Variants in SMPDL3A observed in about 807,000 individuals in gnomAD.
The protein encoded by SMPDL3A is cyclic GMP-AMP phosphodiesterase SMPDL3A.
In SMPDL3A, 39 loss-of-function variants were observed where a neutral mutation model predicts 38.5. That is an observed-to-expected ratio of 1.01 (90% CI 0.78 to 1.32). SMPDL3A has a LOEUF of 1.32. Ranked by LOEUF, SMPDL3A falls within the 40% of genes most tolerant of loss-of-function variation. The pLI is 0.00. For missense variants in SMPDL3A, 502 were observed against 536.2 expected, an observed-to-expected ratio of 0.94 and a Z score of 0.63; for synonymous variants, 180 against 194.3, an observed-to-expected ratio of 0.93 and a Z score of 0.61.
chr6:122,789,541 G>A (rs955552150), intron 1 of SMPDL3A, 83 bp downstream of exon 1: 11 of 1,218,402 alleles, frequency 9.0e-6, no homozygotes, highest in Non-Finnish European at 1.3e-5. Flanking sequence ...GAAAGTGCGT[G>A]GGGGCAGCTG....
chr6:122,809,486 G>T lies in SMPDL3A; in HGVS notation c.*78G>T. The T allele has an allele frequency of 9.2e-7, 1 of 1,086,218 alleles. No homozygotes were observed. The highest frequency in any genetic ancestry group is 1.3e-6 in the Non-Finnish European group (1 of 754,642). 67.3% of individuals were successfully genotyped at this position (1,086,218 alleles called of 1,614,324 possible). The stretch of plus-strand genomic sequence containing the variant: ...TTGTGGGAATTTTACATAAATCTTT[G>T]TTAATTACTGAGTGGGCAAGTAGAC... On this transcript the variant is annotated 3_prime_UTR_variant, in exon 8 of 8. Transcript: ENST00000368440.
chr6:122,791,405 G>C (rs978877758), intron 1 of SMPDL3A, among the ~76,000 whole-genome samples: 1 of 152,136 alleles, frequency 6.6e-6, no homozygotes, highest in Non-Finnish European at 1.5e-5. Flanking sequence ...TTAATAGTCA[G>C]ATGAGACTGA....
intron 3 of SMPDL3A, among the ~76,000 whole-genome samples, chr6:122,800,863 G>A (rs1233766386): frequency 6.6e-6 from 1 of 152,076 alleles, no homozygotes; most frequent in Admixed American, 6.5e-5. Flanking sequence ...TGATTTTCCT[G>A]CCTCAGCCTC....
rs974350819 is a variant in SMPDL3A, at chr6:122,803,574, G to T, written c.569-90G>T. Reference sequence around the variant, plus strand: ...AATGAGAAATAAGCACCAACCTCCTGACTGGATTGTAAACCTCAGGAATTT... The same window carrying T: ...AATGAGAAATAAGCACCAACCTCCTTACTGGATTGTAAACCTCAGGAATTT... On this transcript the variant is annotated intron_variant, in intron 4 of 7. Transcript: ENST00000368440. 3.3e-6 allele frequency: 3 copies of T among 913,584 alleles called. No homozygotes were observed. In the East Asian group the frequency reaches 7.5e-5, roughly 23 times the overall value. The allele number at this position is 913,584 out of a possible 1,614,324, so 56.6% of individuals were successfully genotyped here.
At chr6:122,804,530 C>T (rs552214232) in intron 5 of SMPDL3A, among the ~76,000 whole-genome samples, 7 of 151,586 alleles carry the variant, frequency 4.6e-5, no homozygotes, top group Admixed American at 1.3e-4. Flanking sequence ...AGGTTGGTCT[C>T]GAACTCTGGG....
chr6:122,809,180 C>A lies in SMPDL3A; in HGVS notation c.1134C>A (p.Tyr378Ter), dbSNP rs376202815. 1 of 1,613,898 alleles carries A rather than the reference C, an allele frequency of 6.2e-7. No homozygotes were observed. Among genetic ancestry groups the A allele is most frequent in the African/African-American group, 1.3e-5 (1 of 74,904 alleles). Residue 378 changes from tyrosine to a stop codon, truncating the protein, a stop_gained, in exon 8 of 8, where the codon TAC becomes TAA. Coordinates refer to ENST00000368440, the MANE Select transcript of SMPDL3A (RefSeq NM_006714.5). LOFTEE classifies it low-confidence loss of function (END_TRUNC). Reference protein sequence around the residue: ...WKLEYILTQTYDIEDLQPESL... With the variant: ...WKLEYILTQT ...TGGAGTATATCCTGACCCAGACCTA[C>A]GACATTGAAGATTTGCAGCCGGAAA...
intron 1 of SMPDL3A, 67 bp downstream of exon 1, chr6:122,789,525 G>T: frequency 7.4e-7 from 1 of 1,359,312 alleles, no homozygotes; most frequent in East Asian, 2.5e-5. Context: ...CCTGCGCACA[G>T]CAGGAGAAAG....
chr6:122,789,521 C>T, intron 1 of SMPDL3A, 63 bp downstream of exon 1: 3 of 1,395,506 alleles, frequency 2.1e-6, no homozygotes, highest in Non-Finnish European at 3.0e-6. Flanking sequence ...GGCGCCTGCG[C>T]ACAGCAGGAG....
At chr6:122,808,481 G>T (rs1781709800) in intron 7 of SMPDL3A, among the ~76,000 whole-genome samples, 1 of 152,156 alleles carries the variant, frequency 6.6e-6, no homozygotes, top group African/African-American at 2.4e-5. Flanking sequence ...TGTGTGAATT[G>T]AAGGTTTTTT....
intron 3 of SMPDL3A, among the ~76,000 whole-genome samples, chr6:122,798,398 C>T (rs1469120181): frequency 6.6e-6 from 1 of 152,162 alleles, no homozygotes. Flanking sequence ...TTGGAAAACA[C>T]AGGTGTTCAT....
intron 1 of SMPDL3A, among the ~76,000 whole-genome samples, chr6:122,793,924 A>T (rs927886174): frequency 6.6e-6 from 1 of 152,106 alleles, no homozygotes; most frequent in African/African-American, 2.4e-5. Flanking sequence ...GTCACTTCTG[A>T]TGTGTTTCTA....
intron 7 of SMPDL3A, among the ~76,000 whole-genome samples, chr6:122,807,166 G>T (rs933122515): frequency 6.6e-6 from 1 of 151,618 alleles, no homozygotes; most frequent in Non-Finnish European, 1.5e-5. Flanking sequence ...CTTCCAAATT[G>T]CTGGTATTAC....
intron 7 of SMPDL3A, among the ~76,000 whole-genome samples, chr6:122,808,840 C>T (rs1781753831): frequency 6.6e-6 from 1 of 152,082 alleles, no homozygotes; most frequent in South Asian, 2.1e-4. Flanking sequence ...CACCACTATG[C>T]CCAGCTAATT....
chr6:122,797,819 G>A (rs951878262), intron 3 of SMPDL3A, among the ~76,000 whole-genome samples: 4 of 152,164 alleles, frequency 2.6e-5, no homozygotes, highest in Admixed American at 2.6e-4. Flanking sequence ...GAAAAAGTTT[G>A]CTGACCCCTG....
intron 6 of SMPDL3A, among the ~76,000 whole-genome samples, chr6:122,805,648 G>C (rs891146416): frequency 6.6e-6 from 1 of 152,010 alleles, no homozygotes; most frequent in Non-Finnish European, 1.5e-5. Flanking sequence ...TTGTTGAGAC[G>C]GAGCCTCGCT....
At position 122,796,845 on chromosome 6, in the gene SMPDL3A, T is replaced by C. The variant is rs781100124; in HGVS notation, c.348T>C (p.Pro116=). 1 of 1,613,004 alleles carries C rather than the reference T, an allele frequency of 6.2e-7. No homozygotes were observed. The highest frequency in any genetic ancestry group is 1.7e-5 in the Admixed American group (1 of 59,912). Residue 116 remains proline, a synonymous_variant, in exon 3 of 8, where the codon CCT becomes CCC. Transcript: ENST00000368440. ...IWTGDSPPHV[P]VPELSTDTVI... is the part of the protein sequence containing the mutation. ...TCAGGGATAGCCCACCTCATGTTCC[T>C]GTACCTGAACTCTCAACAGACACTG...
intron 3 of SMPDL3A, among the ~76,000 whole-genome samples, chr6:122,799,154 G>A (rs1781344926): frequency 6.6e-6 from 1 of 152,208 alleles, no homozygotes; most frequent in Non-Finnish European, 1.5e-5. Flanking sequence ...GACATCAGAA[G>A]TAGGTATCAG....
intron 1 of SMPDL3A, among the ~76,000 whole-genome samples, chr6:122,793,506 A>C (rs1459351912): frequency 6.6e-6 from 1 of 152,174 alleles, no homozygotes. Flanking sequence ...CTCTGGGATG[A>C]CTCTGAGCTA....
intron 2 of SMPDL3A, 104 bp downstream of exon 2, chr6:122,795,994 A>G: frequency 1.2e-6 from 1 of 830,152 alleles, no homozygotes; most frequent in Non-Finnish European, 1.8e-6. Context: ...ACATTTTAAG[A>G]GTTATTTGAG....
Sources: allele counts gnomAD v4.1 joint callset (sites outside exome capture counted in the v4.1 genomes callset), GRCh38; gene constraint gnomAD v4.1.1; transcripts MANE v1.5; gene names NCBI Gene and HGNC (gene_info 2026-07-23, HGNC 2026-07-21).